Variants in RNF17 observed in about 807,000 individuals in gnomAD.
RNF17 encodes the protein ring finger protein 17, also known as spermatogenesis associated 23.
In RNF17, 31 loss-of-function variants were observed where a neutral mutation model predicts 200.5. That is an observed-to-expected ratio of 0.15 (90% CI 0.12 to 0.21). The LOEUF (loss-of-function observed/expected upper bound fraction) is 0.21. Among genes scored for constraint, RNF17 ranks in the 10% least tolerant of loss-of-function variants. The probability of loss-of-function intolerance (pLI) is 1.00; values close to 1 mark genes in which losing one functional copy is unlikely to be tolerated. For synonymous variants in RNF17, 606 were observed against 637.8 expected, an observed-to-expected ratio of 0.95 and a Z score of 0.75; for missense variants, 1,628 against 1,905.1, an observed-to-expected ratio of 0.85 and a Z score of 2.71.
chr13:24,755,064 T>C, the RNF17 span, among the ~76,000 whole-genome samples: 9,699 of 152,252 alleles, frequency 0.064, 381 homozygotes, highest in East Asian at 0.17. Context: ...GTATATAATA[T>C]CTATATTTGT....
chr13:24,771,421 G>C (rs1487697774), intron 2 of RNF17, among the ~76,000 whole-genome samples: 1 of 136,030 alleles, frequency 7.4e-6, no homozygotes, highest in Non-Finnish European at 1.5e-5. Flanking sequence ...TCACGCCTTA[G>C]CCTTCCAAAG....
At chr13:24,885,018 A>G in the RNF17 span, among the ~76,000 whole-genome samples, 2 of 152,248 alleles carry the variant, frequency 1.3e-5, no homozygotes, top group Non-Finnish European at 2.9e-5. Context: ...ACTCAGGATC[A>G]GTATAAGAAA....
downstream of RNF17, chr13:24,884,187 A>ACTT (rs1405331948): frequency 1.9e-6 from 3 of 1,614,204 alleles, no homozygotes; most frequent in Non-Finnish European, 2.5e-6. Flanking sequence ...GAAATGTAAG[A>ACTT]CTTCCAGTCC....
chr13:24,783,392 T>G (rs1882692798), intron 6 of RNF17, among the ~76,000 whole-genome samples: 1 of 152,202 alleles, frequency 6.6e-6, no homozygotes, highest in Non-Finnish European at 1.5e-5. Context: ...TCATAGGACT[T>G]TTAAGATGGA....
chr13:24,887,090 A>G, the RNF17 span, among the ~76,000 whole-genome samples: 1 of 152,188 alleles, frequency 6.6e-6, no homozygotes, highest in South Asian at 2.1e-4. Flanking sequence ...CTGGGTAGAT[A>G]CTAGGGGAGG....
At chr13:24,752,946 G>A in the RNF17 span, among the ~76,000 whole-genome samples, 1 of 152,030 alleles carries the variant, frequency 6.6e-6, no homozygotes, top group African/African-American at 2.4e-5. Context: ...TCCCTCGTTA[G>A]CCCCCATCAT....
rs369554226 is a variant in RNF17 at position 24,766,039 on chromosome 13, G to C, written c.131-1233G>C. Among the ~76,000 whole-genome samples the C allele has an allele frequency of 1.5e-3, 223 of 152,224 alleles. 1 individual carries two copies. Among genetic ancestry groups the C allele is most frequent in the African/African-American group, 5.2e-3 (215 of 41,550 alleles). On this transcript the variant is annotated intron_variant, in intron 1 of 35. Transcript: ENST00000255324. ...GGTCGGGAGATCAAGACCAGCCTAG[G>C]CAACATGGTGAAATCCCATCTCTAC...
chr13:24,869,561 A>G (rs1894020377), intron 31 of RNF17, among the ~76,000 whole-genome samples: 1 of 152,212 alleles, frequency 6.6e-6, no homozygotes, highest in Non-Finnish European at 1.5e-5. Context: ...CAGGGGCTGC[A>G]GAAACCACTT....
intron 16 of RNF17, among the ~76,000 whole-genome samples, chr13:24,828,791 A>AT (rs879587907): frequency 0.021 from 3,027 of 142,122 alleles, 47 homozygotes; most frequent in African/African-American, 0.04. Flanking sequence ...TGTTAGTTTG[A>AT]TTTTTTTTTT....
chr13:24,858,992 T>G lies in RNF17; in HGVS notation c.3611-9T>G. 6.5e-7 allele frequency: 1 copy of G among 1,527,364 alleles called. No homozygotes were observed. The highest frequency in any genetic ancestry group is 9.0e-7 in the Non-Finnish European group (1 of 1,111,908). The allele number at this position is 1,527,364 out of a possible 1,614,324, so 94.6% of individuals were successfully genotyped here. A position where few individuals can be genotyped will look rare whatever the true frequency, so the allele number is the denominator to read the frequency against. On this transcript the variant is annotated splice_polypyrimidine_tract_variant and intron_variant, in intron 25 of 35. Transcript: ENST00000255324. ...CTTAATGCTTTCTATCTTTAATACTTTTTTTCAGAATTTGAGCTAATAAAA... is the reference window on the plus strand; with the variant it reads ...CTTAATGCTTTCTATCTTTAATACTGTTTTTCAGAATTTGAGCTAATAAAA...
chr13:24,850,619 T>C (rs1336814125), intron 23 of RNF17, among the ~76,000 whole-genome samples, 176 bp downstream of exon 23: 1 of 152,214 alleles, frequency 6.6e-6, no homozygotes, highest in Non-Finnish European at 1.5e-5. Flanking sequence ...TCAAAAATAT[T>C]CTTTGCTTTC....
At chr13:24,861,002 T>G (rs1293671797) in intron 26 of RNF17, among the ~76,000 whole-genome samples, 2 of 152,010 alleles carry the variant, frequency 1.3e-5, no homozygotes, top group Non-Finnish European at 2.9e-5. Flanking sequence ...CTCAGCATCC[T>G]GAGTAGCCGG....
At chr13:24,751,316 T>TATATA in the RNF17 span, 1 of 98,886 alleles carries the variant, frequency 1.0e-5, no homozygotes, top group Non-Finnish European at 2.4e-5. Context: ...ATATATATAT[T>TATATA]TTTTTTTACT....
At chr13:24,759,716 A>C (rs1352565054), upstream of RNF17, among the ~76,000 whole-genome samples, 3 of 152,182 alleles carry the variant, frequency 2.0e-5, no homozygotes, top group African/African-American at 7.2e-5. Context: ...GAAAAAAAGG[A>C]AGGGAGTGAA....
At chr13:24,849,248 A>G (rs148980988) in intron 22 of RNF17, among the ~76,000 whole-genome samples, 26 of 152,320 alleles carry the variant, frequency 1.7e-4, no homozygotes, top group African/African-American at 5.5e-4. Flanking sequence ...TAGAGAGCCT[A>G]TAGAGCCTGC....
At chr13:24,802,309 C>T in intron 13 of RNF17, 72 bp from the exon 14 acceptor site, 2 of 1,388,258 alleles carry the variant, frequency 1.4e-6, no homozygotes, top group East Asian at 2.3e-5. Context: ...TTGGTACAAA[C>T]CTAAATCCAG....
chr13:24,879,372 G>C (rs543795906), intron 35 of RNF17, 77 bp downstream of exon 35: 1 of 951,142 alleles, frequency 1.1e-6, no homozygotes, highest in Non-Finnish European at 1.6e-6. Context: ...AAAAGCACCC[G>C]TGGATTTTCC....
the RNF17 span, chr13:24,885,997 A>G: frequency 2.2e-4 from 86 of 398,848 alleles, no homozygotes; most frequent in African/African-American, 1.6e-3. Context: ...GACCTGTGGA[A>G]TTTGGCTTCA....
Position 24,804,446 on chromosome 13 carries a change from T to C in RNF17, c.2091+17T>C, listed in dbSNP as rs201687142. 11 of 1,562,698 alleles carry C rather than the reference T, an allele frequency of 7.0e-6. No individual in the cohort carries two copies. In the East Asian group the frequency reaches 2.5e-4, roughly 35 times the overall value. On this transcript the variant is annotated intron_variant, in intron 15 of 35. Transcript: ENST00000255324. ...CTTCAGTTGGTAAGTATATAATGTG[T>C]TTTTGAAATGAAGTTTTTAAAAAAA...
Sources: allele counts gnomAD v4.1 joint callset (sites outside exome capture counted in the v4.1 genomes callset), GRCh38; gene constraint gnomAD v4.1.1; transcripts MANE v1.5; gene names NCBI Gene and HGNC (gene_info 2026-07-23, HGNC 2026-07-21).